C2orf80: variants seen among roughly 807,000 people sequenced by gnomAD.
C2orf80 encodes chromosome 2 open reading frame 80, also known as uncharacterized protein C2orf80.
A neutral mutation model predicts 30.2 loss-of-function variants in C2orf80; 28 were observed. The ratio of observed to expected loss-of-function variants is 0.93; its 90% CI spans 0.69 to 1.27. The LOEUF is 1.27. Among genes scored for constraint, C2orf80 ranks in the 50% most tolerant of loss-of-function variants. The probability of loss-of-function intolerance (pLI) is 0.00; values close to 1 mark genes in which losing one functional copy is unlikely to be tolerated. For missense variants in C2orf80, 220 were observed against 231.0 expected (o/e 0.95, Z 0.31); for synonymous variants, 80 against 76.4 (o/e 1.05, Z -0.24).
intron 2 of C2orf80, 60 bp from the exon 3 acceptor site, chr2:208,185,092 A>G: frequency 7.4e-7 from 1 of 1,360,536 alleles, no homozygotes; most frequent in Non-Finnish European, 1.0e-6. Context: ...TCTGCAGAAA[A>G]AGGCTTTTTT....
intron 6 of C2orf80, 85 bp downstream of exon 6, chr2:208,180,660 T>C (rs2105908206): frequency 3.8e-6 from 4 of 1,039,586 alleles, no homozygotes; most frequent in Non-Finnish European, 5.7e-6. Context: ...ATAATTGATG[T>C]CTGAAAATAC....
chr2:208,178,789 C>T (rs1481168135), intron 6 of C2orf80, among the ~76,000 whole-genome samples: 3 of 151,930 alleles, frequency 2.0e-5, no homozygotes, highest in Admixed American at 6.6e-5. Context: ...GGAGTTTCTG[C>T]TCTTGTTGTC....
At chr2:208,166,932 G>A (rs1382312376) in intron 8 of C2orf80, among the ~76,000 whole-genome samples, 2 of 151,970 alleles carry the variant, frequency 1.3e-5, no homozygotes, top group African/African-American at 2.4e-5. Context: ...TTACAGGCGT[G>A]AGCCACCATG....
chr2:208,171,918 G>A lies in C2orf80; in HGVS notation c.454+70C>T. On this transcript the variant is annotated intron_variant, in intron 7 of 8. Coordinates refer to ENST00000341287, the MANE Select transcript of C2orf80 (RefSeq NM_001099334.3). ...TCCCATTACAATTTTGACCTTACCTGGTGAGCCTACTTCCTAATTTCCTAG... is the reference window on the plus strand; with the variant it reads ...TCCCATTACAATTTTGACCTTACCTAGTGAGCCTACTTCCTAATTTCCTAG... 3 of 1,288,990 alleles carry A rather than the reference G, an allele frequency of 2.3e-6. No individual in the cohort carries two copies. In the South Asian group the frequency reaches 3.5e-5, roughly 15 times the overall value. 79.8% of individuals were successfully genotyped at this position (1,288,990 alleles called of 1,614,324 possible).
intron 6 of C2orf80, among the ~76,000 whole-genome samples, chr2:208,173,289 AAAAG>A (rs144926576): frequency 0.01 from 1,560 of 152,246 alleles, 27 homozygotes; most frequent in African/African-American, 0.036. Context: ...GTTGAATGAA[AAAAG>A]AAAGACATTA....
At chr2:208,185,160 G>A in intron 2 of C2orf80, 128 bp from the exon 3 acceptor site, 1 of 612,492 alleles carries the variant, frequency 1.6e-6, no homozygotes, top group South Asian at 2.2e-5. Flanking sequence ...TGCTCTGGTA[G>A]CTGAGTTAAT....
chr2:208,175,617 T>C (rs530600847), intron 6 of C2orf80, among the ~76,000 whole-genome samples: 3 of 152,298 alleles, frequency 2.0e-5, no homozygotes, highest in Admixed American at 6.5e-5. Context: ...ATCTGATTAG[T>C]ATTCAACAGA....
chr2:208,185,984 G>A (rs1380728046), intron 2 of C2orf80, among the ~76,000 whole-genome samples: 3 of 152,034 alleles, frequency 2.0e-5, no homozygotes, highest in African/African-American at 4.8e-5. Flanking sequence ...AATATGACTC[G>A]CATCAGCATG....
At chr2:208,178,379 G>T (rs1419057179) in intron 6 of C2orf80, among the ~76,000 whole-genome samples, 2 of 152,134 alleles carry the variant, frequency 1.3e-5, no homozygotes, top group Non-Finnish European at 2.9e-5. Flanking sequence ...TGGGGCTCAG[G>T]CTTGTGTGTA....
intron 6 of C2orf80, among the ~76,000 whole-genome samples, chr2:208,176,164 T>C (rs189330415): frequency 1.1e-4 from 17 of 152,306 alleles, no homozygotes; most frequent in Middle Eastern, 3.4e-3. Flanking sequence ...CTGGGGACAT[T>C]TGGCAAAGTC....
At chr2:208,168,024 G>C (rs1172775216) in intron 8 of C2orf80, among the ~76,000 whole-genome samples, 1 of 151,966 alleles carries the variant, frequency 6.6e-6, no homozygotes, top group South Asian at 2.1e-4. Context: ...TATAATATCT[G>C]CAAGCCAAAA....
chr2:208,183,815 A>G (rs1313527061), intron 3 of C2orf80, among the ~76,000 whole-genome samples: 2 of 152,158 alleles, frequency 1.3e-5, no homozygotes, highest in Non-Finnish European at 2.9e-5. Flanking sequence ...CTGAGAACCA[A>G]TGCGGAGGCT....
chr2:208,181,217 C>T lies in C2orf80; in HGVS notation c.294+1G>A, dbSNP rs1696547250. On this transcript the variant is annotated splice_donor_variant, in intron 5 of 8. Transcript: ENST00000341287. LOFTEE classifies it high-confidence loss of function. ...TAGGCAGATAGTATTCTTTTCCTTA[C>T]CATTAAGATTCCAGCATAAGATGAT... 6.3e-7 allele frequency: 1 copy of T among 1,578,392 alleles called. No individual in the cohort carries two copies. The highest frequency in any genetic ancestry group is 8.7e-7 in the Non-Finnish European group (1 of 1,147,994).
intron 8 of C2orf80, among the ~76,000 whole-genome samples, chr2:208,169,731 A>G: frequency 6.6e-6 from 1 of 151,244 alleles, no homozygotes. Flanking sequence ...AAAAAAAAGG[A>G]AAAGAAAAAA....
chr2:208,171,014 A>G lies in C2orf80; in HGVS notation c.504T>C (p.Ser168=), dbSNP rs1484859978. The G allele has an allele frequency of 6.2e-7, 1 of 1,614,072 alleles. No homozygotes were observed. Among genetic ancestry groups the G allele is most frequent in the Non-Finnish European group, 8.5e-7 (1 of 1,180,010 alleles). Residue 168 remains serine, a synonymous_variant, in exon 8 of 9, where the codon TCT becomes TCC. Coordinates refer to ENST00000341287, the MANE Select transcript of C2orf80 (RefSeq NM_001099334.3). ...ATTCTGTGGCATTTGCTTCCTTTGCAGAGATGCTGGTGGCATTTTTATTTG... is the reference window on the plus strand; with the variant it reads ...ATTCTGTGGCATTTGCTTCCTTTGCGGAGATGCTGGTGGCATTTTTATTTG... ...VTTNKNATSI[S]AKEANATEWK...
chr2:208,188,991 C>T (rs571709239), intron 1 of C2orf80, among the ~76,000 whole-genome samples: 4 of 152,278 alleles, frequency 2.6e-5, no homozygotes, highest in Non-Finnish European at 5.9e-5. Flanking sequence ...ATTGATGTGG[C>T]TGTGCGTCTT....
intron 5 of C2orf80, 64 bp from the exon 6 acceptor site, chr2:208,180,880 C>T (rs1312350647): frequency 8.6e-6 from 12 of 1,389,736 alleles, no homozygotes; most frequent in Middle Eastern, 1.8e-4. Context: ...TATTATAAAA[C>T]AAAGCTAATA....
chr2:208,180,276 C>A (rs1696511743), intron 6 of C2orf80, among the ~76,000 whole-genome samples: 1 of 151,932 alleles, frequency 6.6e-6, no homozygotes, highest in South Asian at 2.1e-4. Flanking sequence ...ATGGCAAAAC[C>A]CCATCTCTAC....
chr2:208,172,770 T>C (rs952921302), intron 6 of C2orf80, among the ~76,000 whole-genome samples: 2 of 152,220 alleles, frequency 1.3e-5, no homozygotes, highest in Non-Finnish European at 2.9e-5. Flanking sequence ...ATTTCATTCC[T>C]AGGCATATAC....
Sources: allele counts gnomAD v4.1 joint callset (sites outside exome capture counted in the v4.1 genomes callset), GRCh38; gene constraint gnomAD v4.1.1; transcripts MANE v1.5; gene names NCBI Gene and HGNC (gene_info 2026-07-23, HGNC 2026-07-21).